RBFOX1: variants seen among roughly 807,000 people sequenced by gnomAD.
RBFOX1 encodes the protein RNA binding fox-1 homolog 1.
Under a neutral mutation model 57.7 loss-of-function variants are expected in RBFOX1, and 8 were observed. The observed-to-expected ratio is 0.14, with a 90% CI of 0.08 to 0.25. RBFOX1 has a LOEUF of 0.25. Among genes scored for constraint, RBFOX1 ranks in the 10% least tolerant of loss-of-function variants. RBFOX1 has a pLI of 1.00. For missense variants in RBFOX1, 611 were observed against 548.5 expected, an observed-to-expected ratio of 1.11 and a Z score of -1.14; for synonymous variants, 326 against 222.4, an observed-to-expected ratio of 1.47 and a Z score of -4.15.
rs543783729 is a variant in RBFOX1 at position 7,430,212 on chromosome 16, T to C, written c.28-87935T>C. 2.6e-5 allele frequency among the ~76,000 whole-genome samples: 4 copies of C among 152,360 alleles called. No homozygotes were observed. In the South Asian group the frequency reaches 8.3e-4, roughly 32 times the overall value. ...TAATGTTCCATTGGCCCACAGTAAC[T>C]ATTCCAGCCTCATGTCTTCACTCAT... On this transcript the variant is annotated intron_variant, in intron 4 of 15. Transcript: ENST00000550418.
chr16:7,232,769 A>AG (rs1325959189), intron 4 of RBFOX1, among the ~76,000 whole-genome samples: 4 of 146,126 alleles, frequency 2.7e-5, no homozygotes, highest in Admixed American at 1.4e-4. Context: ...TGAACCTGGG[A>AG]GGGGGAGGTT....
At chr16:5,924,284 C>G (rs2058896602) in intron 4 of RBFOX1, among the ~76,000 whole-genome samples, 2 of 152,114 alleles carry the variant, frequency 1.3e-5, no homozygotes, top group South Asian at 4.1e-4. Flanking sequence ...TAAGAATGGA[C>G]TAATACACCT....
chr16:6,566,577 G>A (rs997108581), intron 2 of RBFOX1, among the ~76,000 whole-genome samples: 4 of 152,120 alleles, frequency 2.6e-5, no homozygotes, highest in Admixed American at 6.6e-5. Flanking sequence ...TTTGTTTGCC[G>A]AAATACTGCT....
chr16:6,899,164 GTGTA>G (rs1164635083), intron 3 of RBFOX1, among the ~76,000 whole-genome samples: 6 of 143,040 alleles, frequency 4.2e-5, no homozygotes, highest in Admixed American at 2.1e-4. Context: ...TATGTAACAT[GTGTA>G]TGTGTGTGTA....
At chr16:6,575,845 A>C (rs191921638) in intron 2 of RBFOX1, among the ~76,000 whole-genome samples, 12 of 149,966 alleles carry the variant, frequency 8.0e-5, no homozygotes, top group Non-Finnish European at 1.8e-4. Context: ...TGACAGAGTG[A>C]GACTCCATCT....
At chr16:7,230,999 C>T (rs1249794155) in intron 4 of RBFOX1, among the ~76,000 whole-genome samples, 1 of 152,112 alleles carries the variant, frequency 6.6e-6, no homozygotes, top group African/African-American at 2.4e-5. Flanking sequence ...TCACATTGAT[C>T]AGCCATGGTA....
At chr16:6,636,406 G>C (rs9931385) in intron 2 of RBFOX1, among the ~76,000 whole-genome samples, 123 of 152,136 alleles carry the variant, frequency 8.1e-4, no homozygotes, top group African/African-American at 2.6e-3. Context: ...TCCTGACTTC[G>C]TGATCAGCCC....
chr16:6,081,657 TTTTA>T (rs963392746), intron 1 of RBFOX1, among the ~76,000 whole-genome samples: 1 of 152,268 alleles, frequency 6.6e-6, no homozygotes, highest in African/African-American at 2.4e-5. Context: ...GGTTGGCTGA[TTTTA>T]TTTATTTATT....
At chr16:6,915,151 G>A (rs778933334) in intron 3 of RBFOX1, among the ~76,000 whole-genome samples, 21 of 152,250 alleles carry the variant, frequency 1.4e-4, no homozygotes, top group African/African-American at 2.9e-4. Context: ...CTCCAGACTC[G>A]GGGTCAAGGC....
intron 3 of RBFOX1, among the ~76,000 whole-genome samples, chr16:5,663,009 C>G (rs933898041): frequency 6.6e-6 from 1 of 152,152 alleles, no homozygotes; most frequent in Non-Finnish European, 1.5e-5. Flanking sequence ...GCAATTTTGC[C>G]TCCCAGAGGG....
intron 3 of RBFOX1, among the ~76,000 whole-genome samples, chr16:7,035,426 T>G (rs1431782489): frequency 6.6e-6 from 1 of 152,202 alleles, no homozygotes; most frequent in East Asian, 1.9e-4. Context: ...TCGAATGCAC[T>G]GCACACAAAA....
At chr16:6,034,452 T>A (rs905299882) in intron 1 of RBFOX1, among the ~76,000 whole-genome samples, 1 of 151,476 alleles carries the variant, frequency 6.6e-6, no homozygotes, top group African/African-American at 2.4e-5. Context: ...AAGTTCAATG[T>A]CTAGTGAGGG....
chr16:5,972,579 G>T (rs1043901098), intron 4 of RBFOX1, among the ~76,000 whole-genome samples: 1 of 152,212 alleles, frequency 6.6e-6, no homozygotes, highest in Non-Finnish European at 1.5e-5. Flanking sequence ...GGAAAACAGG[G>T]ATGAGATGCG....
At chr16:7,286,316 C>T (rs1036053494) in intron 4 of RBFOX1, among the ~76,000 whole-genome samples, 1 of 152,272 alleles carries the variant, frequency 6.6e-6, no homozygotes, top group Non-Finnish European at 1.5e-5. Flanking sequence ...ATCATACAAA[C>T]ATCATGTGGC....
chr16:6,195,497 C>T (rs2097174018), intron 1 of RBFOX1, among the ~76,000 whole-genome samples: 1 of 152,146 alleles, frequency 6.6e-6, no homozygotes, highest in Non-Finnish European at 1.5e-5. Context: ...GCGGGCCAAT[C>T]ACCTGAGGTC....
intron 4 of RBFOX1, among the ~76,000 whole-genome samples, chr16:7,205,000 A>T (rs986960868): frequency 6.6e-6 from 1 of 151,582 alleles, no homozygotes; most frequent in Non-Finnish European, 1.5e-5. Flanking sequence ...TTTATCCTAC[A>T]CTCTCTTTTC....
At chr16:7,405,051 T>C (rs556879611) in intron 4 of RBFOX1, among the ~76,000 whole-genome samples, 2 of 152,198 alleles carry the variant, frequency 1.3e-5, no homozygotes, top group East Asian at 3.9e-4. Context: ...CGCATAAGGG[T>C]GTGTTTTCAA....
chr16:6,880,225 G>T (rs1404760118), intron 3 of RBFOX1, among the ~76,000 whole-genome samples: 3 of 152,130 alleles, frequency 2.0e-5, no homozygotes, highest in African/African-American at 7.2e-5. Context: ...TTCCACCGGG[G>T]GGTAGCAACA....
chr16:7,281,205 G>A (rs996753257), intron 4 of RBFOX1, among the ~76,000 whole-genome samples: 2 of 151,858 alleles, frequency 1.3e-5, no homozygotes. Flanking sequence ...GCTTCACTGT[G>A]TTGGCCAAGC....
Sources: gnomAD v4.1 joint callset for allele counts (sites outside exome capture counted in the v4.1 genomes callset) on GRCh38, gnomAD v4.1.1 for gene constraint, MANE v1.5 for transcripts, NCBI Gene and HGNC (gene_info 2026-07-23, HGNC 2026-07-21) for gene names.